COL5A1: variants seen among roughly 807,000 people sequenced by gnomAD.
COL5A1 encodes the protein collagen type V alpha 1 chain.
COL5A1 carries 16 observed loss-of-function variants against 263.7 expected under a neutral mutation model. The ratio of observed to expected loss-of-function variants is 0.06; its 90% CI spans 0.04 to 0.09. The LOEUF (loss-of-function observed/expected upper bound fraction) is 0.09. COL5A1 is among the 10% of genes least tolerant of loss of function. The pLI is 1.00. For synonymous variants in COL5A1, 1,012 were observed against 1,004.5 expected (o/e 1.01, Z -0.14); for missense variants, 2,036 against 2,540.5 (o/e 0.80, Z 4.27).
intron 48 of COL5A1, 138 bp downstream of exon 48, chr9:134,812,850 C>T: frequency 1.4e-6 from 1 of 719,358 alleles, no homozygotes; most frequent in Non-Finnish European, 2.5e-6. Flanking sequence ...GTGTGTACCT[C>T]TCTGTGTGTA....
chr9:134,723,315 C>CG (rs1564411838), intron 4 of COL5A1, among the ~76,000 whole-genome samples: 7 of 121,078 alleles, frequency 5.8e-5, no homozygotes, highest in African/African-American at 3.0e-4. Flanking sequence ...TGGGGTGATG[C>CG]GGGGGGTTCA....
chr9:134,773,819 G>A (rs527796216), intron 26 of COL5A1, among the ~76,000 whole-genome samples: 18 of 152,324 alleles, frequency 1.2e-4, no homozygotes, highest in Admixed American at 2.6e-4. Context: ...GACCCAGAGC[G>A]GTCTGAGATT....
intron 63 of COL5A1, among the ~76,000 whole-genome samples, chr9:134,828,866 CCA>C (rs1255940203): frequency 8.2e-5 from 12 of 146,638 alleles, no homozygotes; most frequent in Admixed American, 5.3e-4. Context: ...TACACACACA[CCA>C]CACATCACAC....
chr9:134,750,166 T>C (rs1019506578), intron 11 of COL5A1, among the ~76,000 whole-genome samples: 1 of 152,172 alleles, frequency 6.6e-6, no homozygotes, highest in Admixed American at 6.5e-5. Flanking sequence ...TGTTTCCTGT[T>C]GGGTATGGAG....
chr9:134,686,336 C>A lies in COL5A1; in HGVS notation c.110-4576C>A, dbSNP rs895017163. Reference sequence around the variant, plus strand: ...TGACACGATCCTGGCTTACTGCAACCTCCACCACCCAGGGTCAAACGAGCC... The same window carrying A: ...TGACACGATCCTGGCTTACTGCAACATCCACCACCCAGGGTCAAACGAGCC... On this transcript the variant is annotated intron_variant, in intron 1 of 65. Transcript: ENST00000371817. This position sits in a 1 kb window ranked among gnomAD's most constrained non-coding sequence, Gnocchi z 4.6. Among the ~76,000 whole-genome samples, 1 of 152,180 alleles carries A rather than the reference C, an allele frequency of 6.6e-6. No individual in the cohort carries two copies. The highest frequency in any genetic ancestry group is 1.5e-5 in the Non-Finnish European group (1 of 68,040).
At chr9:134,786,142 C>A in intron 31 of COL5A1, 94 bp downstream of exon 31, 1 of 1,176,262 alleles carries the variant, frequency 8.5e-7, no homozygotes, top group Non-Finnish European at 1.2e-6. Flanking sequence ...GGTGTCCCGG[C>A]ACAGGTGGAA....
At chr9:134,782,448 C>T in intron 28 of COL5A1, 1 of 648,156 alleles carries the variant, frequency 1.5e-6, no homozygotes, top group Non-Finnish European at 2.8e-6. Context: ...AGCAGGGACG[C>T]AGCTCTCTCC....
At chr9:134,738,272 T>C in intron 9 of COL5A1, among the ~76,000 whole-genome samples, 1 of 152,176 alleles carries the variant, frequency 6.6e-6, no homozygotes, top group East Asian at 1.9e-4. Context: ...CGGGTTGCTC[T>C]TCTGCCAGCG....
chr9:134,658,206 G>A lies in COL5A1; in HGVS notation c.109+15910G>A, dbSNP rs1338092743. Among the ~76,000 whole-genome samples the A allele has an allele frequency of 5.3e-5, 8 of 152,092 alleles. 1 individual carries two copies. In the East Asian group the frequency reaches 1.2e-3, roughly 22 times the overall value. Reference sequence around the variant, plus strand: ...GACCAATGTTCACCCTACAACCGTGGTGGTGGGCAGCTCGCCCCTCTGTGA... The same window carrying A: ...GACCAATGTTCACCCTACAACCGTGATGGTGGGCAGCTCGCCCCTCTGTGA... On this transcript the variant is annotated intron_variant, in intron 1 of 65. Transcript: ENST00000371817.
At chr9:134,750,072 C>A (rs1225813480) in intron 11 of COL5A1, among the ~76,000 whole-genome samples, 1 of 152,220 alleles carries the variant, frequency 6.6e-6, no homozygotes, top group Non-Finnish European at 1.5e-5. Flanking sequence ...TCCATCTGAG[C>A]AGGCACAGGC....
chr9:134,827,517 C>T (rs1239355881), intron 63 of COL5A1, among the ~76,000 whole-genome samples: 1 of 152,268 alleles, frequency 6.6e-6, no homozygotes, highest in Non-Finnish European at 1.5e-5. Context: ...AAAGAGGTTT[C>T]TCGGCCCTCC....
chr9:134,677,573 G>A lies in COL5A1; in HGVS notation c.110-13339G>A, dbSNP rs762293730. On this transcript the variant is annotated intron_variant, in intron 1 of 65. Transcript: ENST00000371817. The surrounding 1 kb of genome is among the most constrained non-coding windows in gnomAD (Gnocchi z 4.4). ...TGAGGTTTATCAGCGGGATCTTCGG[G>A]GTGATGACATTCCTTCCCCCATCAC... Among the ~76,000 whole-genome samples, 2 of 152,108 alleles carry A rather than the reference G, an allele frequency of 1.3e-5. No individual in the cohort carries two copies. The highest frequency in any genetic ancestry group is 2.4e-5 in the African/African-American group (1 of 41,410).
At position 134,796,428 on chromosome 9, in the gene COL5A1, T is replaced by G. The variant is rs1837912193; in HGVS notation, c.2844+10T>G. 1 of 1,614,072 alleles carries G rather than the reference T, an allele frequency of 6.2e-7. No individual in the cohort carries two copies. Among genetic ancestry groups the G allele is most frequent in the East Asian group, 2.2e-5 (1 of 44,884 alleles). On this transcript the variant is annotated intron_variant, in intron 35 of 65. Coordinates refer to ENST00000371817, the MANE Select transcript of COL5A1 (RefSeq NM_000093.5). ...CCCTCCTGGTGAACGGGTAAGCAGC[T>G]GGAGCCTTCGGGGGTGTCTCCAAGG...
chr9:134,651,471 C>T (rs1467356555), intron 1 of COL5A1, among the ~76,000 whole-genome samples: 1 of 152,056 alleles, frequency 6.6e-6, no homozygotes, highest in Non-Finnish European at 1.5e-5. Context: ...TGTGCCACTG[C>T]ACTGTAGCCT....
At chr9:134,644,172 G>C in intron 1 of COL5A1, among the ~76,000 whole-genome samples, 1 of 151,134 alleles carries the variant, frequency 6.6e-6, no homozygotes, top group South Asian at 2.1e-4. Context: ...GGCCAGAGGG[G>C]GCGGCTGTCC....
At chr9:134,828,838 G>C (rs1315621506) in intron 63 of COL5A1, among the ~76,000 whole-genome samples, 1 of 147,374 alleles carries the variant, frequency 6.8e-6, no homozygotes, top group African/African-American at 2.5e-5. Flanking sequence ...ACATCACACA[G>C]ATACACCCAT....
chr9:134,692,472 C>T (rs1292527043), intron 2 of COL5A1, among the ~76,000 whole-genome samples: 1 of 152,140 alleles, frequency 6.6e-6, no homozygotes, highest in Non-Finnish European at 1.5e-5. Flanking sequence ...CCTTTTCTGC[C>T]CCATGACCCC....
intron 9 of COL5A1, chr9:134,732,422 A>T (rs1381232684): frequency 1.1e-5 from 6 of 563,382 alleles, no homozygotes; most frequent in Admixed American, 6.0e-5. Flanking sequence ...TTCACCTGGG[A>T]TGAAAAGCAG....
At chr9:134,713,324 G>A (rs1834135285) in intron 4 of COL5A1, among the ~76,000 whole-genome samples, 1 of 152,210 alleles carries the variant, frequency 6.6e-6, no homozygotes, top group South Asian at 2.1e-4. Flanking sequence ...GAGCAGCCTG[G>A]CTCCTAACAT....
Sources: gnomAD v4.1 joint callset for allele counts (sites outside exome capture counted in the v4.1 genomes callset) on GRCh38, gnomAD v4.1.1 for gene constraint, Gnocchi (gnomAD v3.1) non-coding constraint, MANE v1.5 for transcripts, NCBI Gene and HGNC (gene_info 2026-07-23, HGNC 2026-07-21) for gene names.